Variants in STIL observed in about 807,000 individuals in gnomAD.
STIL encodes the protein STIL centriolar assembly protein, also known as SCL-interrupting locus protein.
Under a neutral mutation model 110.1 loss-of-function variants are expected in STIL, and 55 were observed. The observed-to-expected ratio is 0.50, with a 90% confidence interval of 0.40 to 0.63. STIL has a LOEUF of 0.63. Among genes scored for constraint, STIL ranks in the 20% least tolerant of loss-of-function variants. The pLI is 0.00. For missense variants in STIL, 1,358 were observed against 1,530.0 expected, an observed-to-expected ratio of 0.89 and a Z score of 1.87; for synonymous variants, 481 against 530.0, an observed-to-expected ratio of 0.91 and a Z score of 1.27.
Position 47,269,839 on chromosome 1 carries a change from C to A in STIL, c.2411G>T (p.Gly804Val). Residue 804 changes from glycine (G) to valine (V), a missense_variant, in exon 14 of 17, where the codon GGT (glycine) becomes GTT (valine). Coordinates refer to ENST00000371877, the MANE Select transcript of STIL (RefSeq NM_001048166.1). ...TTGAGAGTCAGGCTCTTGATCCTCA[C>A]CTGCTGCATTCCAAAACAAGCTAGC... ...TGASLFWNAAGEDQEPDSQMK... is the reference protein window; with the variant it reads ...TGASLFWNAAVEDQEPDSQMK... 1 of 1,614,172 alleles carries A rather than the reference C, an allele frequency of 6.2e-7. No individual in the cohort carries two copies.
At chr1:47,263,702 A>G (rs532405241) in intron 14 of STIL, among the ~76,000 whole-genome samples, 1 of 148,006 alleles carries the variant, frequency 6.8e-6, no homozygotes, top group South Asian at 2.1e-4. Flanking sequence ...GGAAATTTTT[A>G]GAGCATTTAA....
At chr1:47,293,595 A>G (rs1382328815) in intron 7 of STIL, 51 bp from the exon 8 acceptor site, 2 of 1,391,132 alleles carry the variant, frequency 1.4e-6, no homozygotes, top group Non-Finnish European at 2.0e-6. Context: ...CATATATAGC[A>G]TAATTTACAT....
intron 16 of STIL, among the ~76,000 whole-genome samples, chr1:47,252,811 A>ACG (rs1644223933): frequency 6.6e-6 from 1 of 150,674 alleles, no homozygotes; most frequent in Non-Finnish European, 1.5e-5. Context: ...ACACACACAC[A>ACG]CACACACACA....
Position 47,289,446 on chromosome 1 carries a change from G to A in STIL, c.1012C>T (p.His338Tyr), listed in dbSNP as rs376383597. The A allele has an allele frequency of 1.9e-6, 3 of 1,613,690 alleles. No individual in the cohort carries two copies. The highest frequency in any genetic ancestry group is 2.2e-5 in the East Asian group (1 of 44,862). Residue 338 changes from histidine to tyrosine, a missense_variant, in exon 9 of 17, where the codon CAT becomes TAT. His to Tyr is a moderately conservative substitution (Grantham distance 83). Transcript: ENST00000371877. ...FQLLTSKETL[H>Y]LFKNVEPPDK... Reference sequence around the variant, plus strand: ...ATGAAATCACTTACTTTGAAAAGATGTAATGTTTCCTTACTGGTTAGCAAC... The same window carrying A: ...ATGAAATCACTTACTTTGAAAAGATATAATGTTTCCTTACTGGTTAGCAAC...
chr1:47,279,788 G>C (rs1645105839), intron 12 of STIL, among the ~76,000 whole-genome samples: 2 of 149,100 alleles, frequency 1.3e-5, no homozygotes, highest in African/African-American at 5.0e-5. Flanking sequence ...TCTGAAAAAA[G>C]GGAACATTTC....
rs567201581 is a variant in STIL at position 47,286,103 on chromosome 1, G to A, written c.1133+1448C>T. Among the ~76,000 whole-genome samples the A allele has an allele frequency of 3.3e-5, 5 of 150,980 alleles. No homozygotes were observed. In the South Asian group the frequency reaches 1.0e-3, roughly 32 times the overall value. ...TTGGCCAGGCTGGTCTCAAACTCCTGACCTCAACTGATCCGCCCGCCTCAG... is the reference window on the plus strand; with the variant it reads ...TTGGCCAGGCTGGTCTCAAACTCCTAACCTCAACTGATCCGCCCGCCTCAG... On this transcript the variant is annotated intron_variant, in intron 10 of 16. Coordinates refer to ENST00000371877, the MANE Select transcript of STIL (RefSeq NM_001048166.1).
chr1:47,292,298 C>T (rs1026395699), intron 8 of STIL, among the ~76,000 whole-genome samples: 16 of 152,074 alleles, frequency 1.1e-4, no homozygotes, highest in African/African-American at 3.6e-4. Context: ...AAGGCACTCT[C>T]GTGTACTGCT....
intron 16 of STIL, among the ~76,000 whole-genome samples, chr1:47,256,151 G>A (rs905693297): frequency 6.6e-6 from 1 of 152,078 alleles, no homozygotes; most frequent in African/African-American, 2.4e-5. Context: ...ACCTACACAT[G>A]TTAAAAAGTT....
chr1:47,281,777 T>TA (rs1389518295), intron 11 of STIL, among the ~76,000 whole-genome samples: 7 of 152,256 alleles, frequency 4.6e-5, no homozygotes, highest in African/African-American at 1.4e-4. Flanking sequence ...ATATTAGCTT[T>TA]AAAAAATCCT....
chr1:47,271,311 G>A (rs79602247), intron 13 of STIL, among the ~76,000 whole-genome samples: 10,190 of 152,146 alleles, frequency 0.067, 593 homozygotes, highest in East Asian at 0.3. Flanking sequence ...GCTCATGCCT[G>A]TAATACAATC....
chr1:47,280,258 T>C lies in STIL; in HGVS notation c.2200A>G (p.Arg734Gly). Residue 734 changes from arginine to glycine, a missense_variant, in exon 12 of 17, where the codon AGA becomes GGA. Arg to Gly is a moderately radical substitution (Grantham distance 125). Transcript: ENST00000371877. Reference sequence around the variant, plus strand: ...AAGCAAACCTGTGCCTGAAGTAGTCTTAGCTGTCTGTCTTGTTCTGTGAGG... The same window carrying C: ...AAGCAAACCTGTGCCTGAAGTAGTCCTAGCTGTCTGTCTTGTTCTGTGAGG... ...RFLTEQDRQLRLLQAQIQRLL... is the reference protein window; with the variant it reads ...RFLTEQDRQLGLLQAQIQRLL... The C allele has an allele frequency of 6.2e-7, 1 of 1,614,246 alleles. No individual in the cohort carries two copies. The highest frequency in any genetic ancestry group is 8.5e-7 in the Non-Finnish European group (1 of 1,180,046).
intron 12 of STIL, among the ~76,000 whole-genome samples, chr1:47,277,268 G>GA (rs754340427): frequency 2.6e-5 from 4 of 152,110 alleles, no homozygotes; most frequent in African/African-American, 7.2e-5. Context: ...AAAAGTTAAA[G>GA]AAAAAAGCAC....
intron 7 of STIL, among the ~76,000 whole-genome samples, chr1:47,293,789 A>G (rs921926398): frequency 3.3e-5 from 5 of 152,020 alleles, no homozygotes; most frequent in Non-Finnish European, 5.9e-5. Context: ...GAGAGAGAGA[A>G]AGAGAGCAAG....
chr1:47,284,169 A>T (rs770683247), intron 10 of STIL: 1 of 152,210 alleles, frequency 6.6e-6, no homozygotes, highest in Non-Finnish European at 1.5e-5. Flanking sequence ...AAGCACTGGG[A>T]TTACAAGTGT....
At chr1:47,288,875 CCTCT>C (rs1201125876) in intron 9 of STIL, among the ~76,000 whole-genome samples, 7 of 137,316 alleles carry the variant, frequency 5.1e-5, no homozygotes, top group East Asian at 4.3e-4. Context: ...GGTGAAACTC[CCTCT>C]CTAATGAAAA....
chr1:47,314,558 CT>C (rs962368026), upstream of STIL, among the ~76,000 whole-genome samples: 4 of 152,226 alleles, frequency 2.6e-5, no homozygotes, highest in African/African-American at 9.6e-5. Context: ...TTTCCAAACT[CT>C]TTACCTGAAA....
intron 12 of STIL, among the ~76,000 whole-genome samples, chr1:47,279,977 A>T (rs1402991351): frequency 6.6e-6 from 1 of 152,212 alleles, no homozygotes; most frequent in Non-Finnish European, 1.5e-5. Context: ...GAGGCAAAAA[A>T]TAAAAATACA....
chr1:47,256,492 G>C (rs554330469), intron 16 of STIL, among the ~76,000 whole-genome samples: 1 of 151,844 alleles, frequency 6.6e-6, no homozygotes, highest in African/African-American at 2.4e-5. Flanking sequence ...GTGGTGGTGC[G>C]CACCTGTAGT....
At chr1:47,304,581 G>A (rs1283068664) in intron 3 of STIL, among the ~76,000 whole-genome samples, 1 of 152,146 alleles carries the variant, frequency 6.6e-6, no homozygotes, top group Non-Finnish European at 1.5e-5. Flanking sequence ...ATTGGTTCAA[G>A]CTTCTCAACG....
Sources: gnomAD v4.1 joint callset for allele counts (sites outside exome capture counted in the v4.1 genomes callset) on GRCh38, gnomAD v4.1.1 for gene constraint, MANE v1.5 for transcripts, NCBI Gene and HGNC (gene_info 2026-07-23, HGNC 2026-07-21) for gene names.